Variants in KCNN2 observed in about 807,000 individuals in gnomAD.
The protein encoded by KCNN2 is potassium calcium-activated channel subfamily N member 2.
Under a neutral mutation model 55.5 loss-of-function variants are expected in KCNN2, and 24 were observed. That is an observed-to-expected ratio of 0.43 (90% CI 0.31 to 0.61). The LOEUF (loss-of-function observed/expected upper bound fraction) is 0.61, where lower values mean the gene tolerates loss of function less well. Among genes scored for constraint, KCNN2 ranks in the 20% least tolerant of loss-of-function variants. The pLI, the probability that KCNN2 is intolerant of heterozygous loss-of-function variation, is 0.08. For synonymous variants in KCNN2, 431 were observed against 336.1 expected (o/e 1.28, Z -3.09); for missense variants, 754 against 853.6 (o/e 0.88, Z 1.45).
intron 2 of KCNN2, among the ~76,000 whole-genome samples, chr5:114,266,997 T>A (rs976920707): frequency 3.8e-4 from 3 of 7,820 alleles, no homozygotes; most frequent in African/African-American, 4.1e-4. Context: ...CCCTCCTTTT[T>A]TTTTTTTTTT....
chr5:114,344,105 A>G (rs548245942), intron 2 of KCNN2, among the ~76,000 whole-genome samples: 47 of 152,288 alleles, frequency 3.1e-4, no homozygotes, highest in Non-Finnish European at 6.2e-4. Flanking sequence ...TGAACCACCC[A>G]GAGTTGTTAG....
chr5:114,262,249 C>T (rs1755123855), intron 2 of KCNN2, among the ~76,000 whole-genome samples: 1 of 152,142 alleles, frequency 6.6e-6, no homozygotes, highest in Admixed American at 6.5e-5. Flanking sequence ...AGTCTTCTTC[C>T]ATTAATGGCT....
chr5:114,258,427 C>A (rs1292352033), intron 2 of KCNN2, among the ~76,000 whole-genome samples: 1 of 152,018 alleles, frequency 6.6e-6, no homozygotes, highest in African/African-American at 2.4e-5. Context: ...GGTACCAGTT[C>A]TTCGTATGTC....
chr5:114,177,654 TAAC>T (rs1753163789), intron 1 of KCNN2, among the ~76,000 whole-genome samples: 2 of 151,792 alleles, frequency 1.3e-5, no homozygotes, highest in Non-Finnish European at 1.5e-5. Flanking sequence ...ATAAATATAT[TAAC>T]AATAATAATA....
intron 1 of KCNN2, among the ~76,000 whole-genome samples, chr5:114,126,256 C>T (rs1048454215): frequency 1.7e-4 from 26 of 152,234 alleles, no homozygotes; most frequent in African/African-American, 6.3e-4. Context: ...CTATATTACT[C>T]TGTTCTCAGG....
chr5:114,485,970 C>G (rs1426097265), intron 5 of KCNN2, among the ~76,000 whole-genome samples: 2 of 152,106 alleles, frequency 1.3e-5, no homozygotes. Flanking sequence ...CTTTAACATT[C>G]ATTATCTCTA....
At position 114,496,111 on chromosome 5, in the gene KCNN2, C is replaced by T. The variant is rs930725873; in HGVS notation, c.2305C>T (p.Arg769Trp). 2.4e-5 allele frequency: 39 copies of T among 1,614,010 alleles called. No individual in the cohort carries two copies. Among genetic ancestry groups the T allele is most frequent in the Non-Finnish European group, 3.0e-5 (35 of 1,179,974 alleles). Residue 769 changes from arginine (R) to tryptophan (W), a missense_variant, in exon 8 of 8, where the codon CGG (arginine) becomes TGG (tryptophan). Physicochemically the swap from Arg to Trp is moderately radical, Grantham distance 101. This residue lies in a region of KCNN2 where 164 missense variants were observed against 156.6 expected (regional missense o/e 1.05). Coordinates refer to ENST00000673685, the MANE Select transcript of KCNN2 (RefSeq NM_021614.4). The part of the protein sequence containing the change: ...YDKHVTYNAE[R>W]SRSSSRRRRS... Reference sequence around the variant, plus strand: ...CAAGCACGTCACTTACAATGCTGAGCGGTCCCGGTCCTCGTCCAGGAGGCG... The same window carrying T: ...CAAGCACGTCACTTACAATGCTGAGTGGTCCCGGTCCTCGTCCAGGAGGCG...
intron 2 of KCNN2, among the ~76,000 whole-genome samples, chr5:114,325,301 G>C (rs1016017053): frequency 6.6e-6 from 1 of 152,154 alleles, no homozygotes; most frequent in East Asian, 1.9e-4. Context: ...CAAGAAAAGA[G>C]ATATAAATTG....
intron 2 of KCNN2, among the ~76,000 whole-genome samples, chr5:114,335,258 T>C (rs535867527): frequency 5.9e-5 from 9 of 152,226 alleles, no homozygotes; most frequent in African/African-American, 2.2e-4. Flanking sequence ...TTTCCTCCCC[T>C]TCAGCTGTCT....
intron 6 of KCNN2, 104 bp downstream of exon 6, chr5:114,487,281 C>G (rs1393216122): frequency 2.2e-5 from 22 of 1,004,986 alleles, no homozygotes; most frequent in Non-Finnish European, 3.0e-5. Flanking sequence ...AAAACATTGT[C>G]ATGTTTATTC....
chr5:114,337,645 T>A (rs377583743), intron 2 of KCNN2, among the ~76,000 whole-genome samples: 12 of 152,296 alleles, frequency 7.9e-5, no homozygotes, highest in African/African-American at 2.9e-4. Context: ...ACAAGCTGGC[T>A]GATTTGTGAT....
chr5:114,426,051 A>G (rs1022151806), intron 3 of KCNN2, among the ~76,000 whole-genome samples: 1 of 151,952 alleles, frequency 6.6e-6, no homozygotes, highest in South Asian at 2.1e-4. Flanking sequence ...GCATGGTGGC[A>G]CATACCTGTA....
At chr5:114,377,440 C>T (rs1757978470) in intron 2 of KCNN2, among the ~76,000 whole-genome samples, 1 of 152,090 alleles carries the variant, frequency 6.6e-6, no homozygotes, top group South Asian at 2.1e-4. Context: ...GTGTCTGTTG[C>T]TTGTACTCGT....
At chr5:114,165,409 A>G (rs1225494518) in intron 1 of KCNN2, among the ~76,000 whole-genome samples, 1 of 152,202 alleles carries the variant, frequency 6.6e-6, no homozygotes, top group Non-Finnish European at 1.5e-5. Context: ...TCAGATTAAA[A>G]TTTATTTATG....
chr5:114,349,342 C>T (rs891003811), intron 2 of KCNN2, among the ~76,000 whole-genome samples: 12 of 152,124 alleles, frequency 7.9e-5, no homozygotes, highest in African/African-American at 2.6e-4. Flanking sequence ...AATTTTTGAG[C>T]ACCAACATGA....
At chr5:114,346,414 T>G (rs1015721515) in intron 2 of KCNN2, among the ~76,000 whole-genome samples, 1 of 152,182 alleles carries the variant, frequency 6.6e-6, no homozygotes, top group Non-Finnish European at 1.5e-5. Flanking sequence ...GTGAGTAAAT[T>G]TGTTTTCTGT....
chr5:114,154,159 A>G (rs763124930), intron 1 of KCNN2, among the ~76,000 whole-genome samples: 8 of 152,152 alleles, frequency 5.3e-5, no homozygotes, highest in South Asian at 2.1e-4. Flanking sequence ...GGGATCTTGA[A>G]TGATACCAAG....
chr5:114,396,612 G>A (rs1364329868), intron 2 of KCNN2, among the ~76,000 whole-genome samples: 4 of 150,374 alleles, frequency 2.7e-5, no homozygotes, highest in Non-Finnish European at 5.9e-5. Context: ...GCACTGGCGC[G>A]ATCTCGACTC....
intron 4 of KCNN2, among the ~76,000 whole-genome samples, chr5:114,464,206 T>C (rs1456011547): frequency 6.6e-6 from 1 of 152,182 alleles, no homozygotes; most frequent in Non-Finnish European, 1.5e-5. Context: ...AAGCTGTGAT[T>C]ATAATGTGGT....
Sources: gnomAD v4.1 joint callset for allele counts (sites outside exome capture counted in the v4.1 genomes callset) on GRCh38, gnomAD v4.1.1 for gene constraint, gnomAD v4.1.1 regional missense constraint, MANE v1.5 for transcripts, NCBI Gene and HGNC (gene_info 2026-07-23, HGNC 2026-07-21) for gene names.